Variants in PKD1L3 observed in about 807,000 individuals in gnomAD.
PKD1L3 encodes the protein polycystin-1-like protein 3.
PKD1L3 carries 239 observed loss-of-function variants against 184.1 expected under a neutral mutation model. That is an observed-to-expected ratio of 1.30 (90% confidence interval 1.17 to 1.45). The LOEUF is 1.45. PKD1L3 is among the 40% of genes most tolerant of loss of function. PKD1L3 has a pLI of 0.00. For missense variants in PKD1L3, 2,660 were observed against 2,067.2 expected (o/e 1.29, Z -5.56); for synonymous variants, 996 against 778.8 (o/e 1.28, Z -4.64).
At chr16:71,990,204 G>C (rs973991962) in intron 4 of PKD1L3, 76 bp downstream of exon 4, 10 of 1,262,222 alleles carry the variant, frequency 7.9e-6, no homozygotes, top group South Asian at 1.4e-5. Flanking sequence ...CTACAAGATA[G>C]AGCTCTAACC....
Position 71,986,333 on chromosome 16 carries a change from A to G in PKD1L3, c.722T>C (p.Val241Ala). Residue 241 changes from valine (V) to alanine (A), a missense_variant, in exon 5 of 30, where the codon GTC becomes GCC. By Grantham distance (64) the Val-to-Ala change is moderately conservative. Coordinates refer to ENST00000620267, the MANE Select transcript of PKD1L3 (RefSeq NM_181536.2). ...VITQLTMPVSVTHAGQSLAET... is the reference protein window; with the variant it reads ...VITQLTMPVSATHAGQSLAET... ...TGCCAGAGATTGCCCAGCATGCGTGACAGACACGGGCATGGTGAGCTGTGT... is the reference window on the plus strand; with the variant it reads ...TGCCAGAGATTGCCCAGCATGCGTGGCAGACACGGGCATGGTGAGCTGTGT... 6.4e-7 allele frequency: 1 copy of G among 1,552,070 alleles called. No homozygotes were observed. The highest frequency in any genetic ancestry group is 8.7e-7 in the Non-Finnish European group (1 of 1,147,086).
chr16:71,961,837 G>A (rs890952880), intron 16 of PKD1L3, among the ~76,000 whole-genome samples: 5 of 152,256 alleles, frequency 3.3e-5, no homozygotes, highest in African/African-American at 9.6e-5. Flanking sequence ...TGTAATTGGA[G>A]CAGATCTTAA....
At chr16:71,958,006 C>T (rs1274043890) in intron 16 of PKD1L3, among the ~76,000 whole-genome samples, 1 of 152,102 alleles carries the variant, frequency 6.6e-6, no homozygotes, top group Non-Finnish European at 1.5e-5. Flanking sequence ...AGGCAGAAGA[C>T]AATGTATTAA....
Position 71,980,145 on chromosome 16 carries a change from A to T in PKD1L3, c.1144-11T>A. ...CAGGATGTCTTCTACCTGCATGGAA[A>T]GGAAAACAGTGTGTGACTTGTAAAA... On this transcript the variant is annotated splice_polypyrimidine_tract_variant and intron_variant, in intron 7 of 29. Transcript: ENST00000620267. The T allele has an allele frequency of 6.4e-7, 1 of 1,551,218 alleles. No individual in the cohort carries two copies. The highest frequency in any genetic ancestry group is 1.4e-5 in the African/African-American group (1 of 73,176).
chr16:71,979,536 A>G (rs1567539510), intron 9 of PKD1L3, among the ~76,000 whole-genome samples: 1 of 152,244 alleles, frequency 6.6e-6, no homozygotes, highest in South Asian at 2.1e-4. Flanking sequence ...TGCAGAGTTG[A>G]AATCAATTCA....
At chr16:71,967,848 A>G (rs2039559974) in intron 14 of PKD1L3, 58 bp downstream of exon 14, 2 of 1,374,774 alleles carry the variant, frequency 1.5e-6, no homozygotes, top group Middle Eastern at 1.8e-4. Flanking sequence ...ACCAACTCAG[A>G]GTGTGTCTCA....
chr16:71,933,511 A>T lies in PKD1L3; in HGVS notation c.4835T>A (p.Leu1612Gln). The change falls in exon 28 of 30, where the codon CTG (leucine) becomes CAG (glutamine). Residue 1612 changes from leucine (L) to glutamine (Q), a missense_variant. Coordinates refer to ENST00000620267, the MANE Select transcript of PKD1L3 (RefSeq NM_181536.2). ...LTGYAIAFNL[L>Q]FGCSISDYRT... The stretch of plus-strand genomic sequence containing the variant: ...GTAGTCAGAGATGCTGCATCCAAAC[A>T]GCAGGTTAAACTGAACAGAAGGAGA... The T allele has an allele frequency of 2.6e-6, 4 of 1,551,084 alleles. No homozygotes were observed. In the South Asian group the frequency reaches 4.8e-5, roughly 18 times the overall value.
At chr16:71,979,972 CA>C (rs1209587009) in intron 8 of PKD1L3, 34 bp downstream of exon 8, 7 of 1,550,108 alleles carry the variant, frequency 4.5e-6, no homozygotes, top group South Asian at 1.2e-5. Flanking sequence ...GTGAAAAACA[CA>C]GTGAAACTCT....
chr16:71,970,918 G>A (rs1047923771), intron 12 of PKD1L3, among the ~76,000 whole-genome samples: 2 of 152,220 alleles, frequency 1.3e-5, no homozygotes, highest in African/African-American at 2.4e-5. Flanking sequence ...GATATGTACA[G>A]TATAATGCCA....
At chr16:71,943,433 G>A (rs1290806832) in intron 23 of PKD1L3, among the ~76,000 whole-genome samples, 1 of 150,492 alleles carries the variant, frequency 6.6e-6, no homozygotes, top group Non-Finnish European at 1.5e-5. Flanking sequence ...AGCTAACCAG[G>A]AGGCCGAGGT....
intron 6 of PKD1L3, among the ~76,000 whole-genome samples, chr16:71,983,040 A>ATGTTATTCTGACAAAC (rs2040220833): frequency 6.6e-6 from 1 of 152,234 alleles, no homozygotes; most frequent in African/African-American, 2.4e-5. Flanking sequence ...TTCATATTTC[A>ATGTTATTCTGACAAAC]TGTTATTCTG....
chr16:72,000,120 T>TAAAAAAA lies in PKD1L3; in HGVS notation c.-143_-142insTTTTTTT, dbSNP rs374292198. ...TTACCAAGGATACAAAAGGTTTTGTTTTGAGGACCCAGGTGCAGGTCCTAC... is the reference window on the plus strand; with the variant it reads ...TTACCAAGGATACAAAAGGTTTTGTTAAAAAAATTGAGGACCCAGGTGCAGGTCCTAC... On this transcript the variant is annotated 5_prime_UTR_variant, in exon 1 of 30. An upstream open reading frame in the 5' UTR loses its in-frame stop. Coordinates refer to ENST00000620267, the MANE Select transcript of PKD1L3 (RefSeq NM_181536.2). 8.9e-3 allele frequency: 6,221 copies of TAAAAAAA among 701,758 alleles called. 397 individuals are homozygous for TAAAAAAA. The African/African-American group carries it at 0.12, about 13-fold the overall frequency. The allele number at this position is 701,758 out of a possible 1,614,324, so 43.5% of individuals were successfully genotyped here.
intron 16 of PKD1L3, among the ~76,000 whole-genome samples, chr16:71,955,484 T>C (rs1191113915): frequency 1.3e-5 from 2 of 151,812 alleles, no homozygotes; most frequent in East Asian, 3.9e-4. Context: ...CATAACAGAA[T>C]ATCATTTAGT....
chr16:71,934,246 T>C (rs2038096085), intron 26 of PKD1L3, 121 bp from the exon 27 acceptor site: 1 of 838,970 alleles, frequency 1.2e-6, no homozygotes, highest in Non-Finnish European at 1.9e-6. Flanking sequence ...TGCTTGTTGA[T>C]GTGAGAACTG....
chr16:71,979,131 G>C (rs1355036943), intron 9 of PKD1L3, among the ~76,000 whole-genome samples: 2 of 152,170 alleles, frequency 1.3e-5, no homozygotes, highest in Non-Finnish European at 2.9e-5. Context: ...TAATTATTTA[G>C]ATAGTCTCAG....
At chr16:71,935,264 G>T (rs1288622050) in intron 26 of PKD1L3, 94 bp downstream of exon 26, 2 of 1,289,756 alleles carry the variant, frequency 1.6e-6, no homozygotes, top group Non-Finnish European at 2.1e-6. Flanking sequence ...TGCAAATACA[G>T]ATCTGGTAGG....
At chr16:71,940,487 G>C (rs1271142788) in intron 24 of PKD1L3, among the ~76,000 whole-genome samples, 1 of 151,990 alleles carries the variant, frequency 6.6e-6, no homozygotes, top group African/African-American at 2.4e-5. Flanking sequence ...TGGGCACAGA[G>C]CTTTGTTTTT....
At position 71,998,273 on chromosome 16, in the gene PKD1L3, A is replaced by T. The variant is rs2040859066; in HGVS notation, c.417T>A (p.Thr139=). The stretch of plus-strand genomic sequence containing the variant: ...GCAGCATGTAGCTTTATCACTTACC[A>T]GTCTGGCAAATGAAATAGTATTTCA... ...CLLKYYFICQ[T]GDFLDGDAHY... The change falls in exon 2 of 30, where the codon ACT becomes ACA. Residue 139 remains threonine (T), a splice_region_variant and synonymous_variant. Coordinates refer to ENST00000620267, the MANE Select transcript of PKD1L3 (RefSeq NM_181536.2). 1.3e-6 allele frequency: 2 copies of T among 1,551,854 alleles called. No individual in the cohort carries two copies.
intron 28 of PKD1L3, among the ~76,000 whole-genome samples, chr16:71,932,359 C>T (rs576364277): frequency 6.6e-6 from 1 of 152,308 alleles, no homozygotes; most frequent in South Asian, 2.1e-4. Flanking sequence ...GCAGGGATTT[C>T]TGTTGGTAGT....
Sources: allele counts gnomAD v4.1 joint callset (sites outside exome capture counted in the v4.1 genomes callset), GRCh38; gene constraint gnomAD v4.1.1; transcripts MANE v1.5; gene names NCBI Gene and HGNC (gene_info 2026-07-23, HGNC 2026-07-21).